The following SSBP2 variants were observed in gnomAD, a reference collection of about 807,000 sequenced individuals.
SSBP2 encodes single-stranded DNA-binding protein 2.
Under a neutral mutation model 61.8 loss-of-function variants are expected in SSBP2, and 17 were observed. That is an observed-to-expected ratio of 0.28 (90% CI 0.19 to 0.41). The LOEUF is 0.41. Among genes scored for constraint, SSBP2 ranks in the 10% least tolerant of loss-of-function variants. The pLI is 1.00. For missense variants in SSBP2, 310 were observed against 458.7 expected, an observed-to-expected ratio of 0.68 and a Z score of 2.96; for synonymous variants, 139 against 141.3, an observed-to-expected ratio of 0.98 and a Z score of 0.12.
chr5:81,486,091 G>C (rs1254956542), intron 6 of SSBP2, among the ~76,000 whole-genome samples: 1 of 152,148 alleles, frequency 6.6e-6, no homozygotes, highest in African/African-American at 2.4e-5. Context: ...CACTGGAGTG[G>C]TGGTGGGAAT....
intron 2 of SSBP2, 147 bp from the exon 3 acceptor site, chr5:81,636,765 A>T: frequency 1.5e-6 from 1 of 675,706 alleles, no homozygotes; most frequent in East Asian, 2.8e-5. Flanking sequence ...TTTTGCAAGT[A>T]CTCATTTTAC....
chr5:81,576,488 G>A (rs1267322827), intron 4 of SSBP2, among the ~76,000 whole-genome samples: 1 of 151,894 alleles, frequency 6.6e-6, no homozygotes. Context: ...AGCACAGAGA[G>A]GTTCATTAAC....
chr5:81,532,025 G>A (rs1770451527), intron 4 of SSBP2, among the ~76,000 whole-genome samples: 1 of 152,060 alleles, frequency 6.6e-6, no homozygotes, highest in South Asian at 2.1e-4. Context: ...AGAGGAAATG[G>A]AATAGAGAGC....
chr5:81,485,075 T>TG (rs1290713442), intron 6 of SSBP2, among the ~76,000 whole-genome samples: 1 of 152,150 alleles, frequency 6.6e-6, no homozygotes, highest in African/African-American at 2.4e-5. Flanking sequence ...ATGAATACTG[T>TG]GAATTTTTCT....
chr5:81,607,243 T>C (rs1744970242), intron 4 of SSBP2, among the ~76,000 whole-genome samples: 1 of 152,110 alleles, frequency 6.6e-6, no homozygotes, highest in South Asian at 2.1e-4. Context: ...GCTAAGGTGA[T>C]AAACAGGACA....
At chr5:81,501,259 A>G (rs1338442546) in intron 5 of SSBP2, among the ~76,000 whole-genome samples, 5 of 62,516 alleles carry the variant, frequency 8.0e-5, no homozygotes, top group African/African-American at 5.3e-4. Flanking sequence ...ATATATATAT[A>G]TATATATATA....
chr5:81,732,610 C>T (rs561106645), intron 1 of SSBP2, among the ~76,000 whole-genome samples: 2 of 152,150 alleles, frequency 1.3e-5, no homozygotes, highest in East Asian at 3.9e-4. Flanking sequence ...TTCACAGGCA[C>T]AATAAATTAC....
At chr5:81,473,630 A>G (rs750570414) in intron 8 of SSBP2, 70 bp downstream of exon 8, 1 of 1,311,544 alleles carries the variant, frequency 7.6e-7, no homozygotes, top group Non-Finnish European at 1.1e-6. Context: ...CTCTTTACCC[A>G]GTCTATCATT....
chr5:81,622,106 TA>T (rs35548135), intron 3 of SSBP2, among the ~76,000 whole-genome samples: 26,218 of 109,464 alleles, frequency 0.24, 2,436 homozygotes, highest in Middle Eastern at 0.27. Context: ...TAGAGTATAA[TA>T]AAAAAAAAAA....
At chr5:81,539,220 G>A (rs1771052903) in intron 4 of SSBP2, among the ~76,000 whole-genome samples, 1 of 152,154 alleles carries the variant, frequency 6.6e-6, no homozygotes, top group Admixed American at 6.5e-5. Context: ...AGACTTGAGT[G>A]GAAGAAGTCA....
chr5:81,536,728 A>C (rs1340293930), intron 4 of SSBP2, among the ~76,000 whole-genome samples: 1 of 152,118 alleles, frequency 6.6e-6, no homozygotes, highest in Non-Finnish European at 1.5e-5. Context: ...ATTTTCAGAT[A>C]TTGTGGTACT....
intron 1 of SSBP2, among the ~76,000 whole-genome samples, chr5:81,673,398 C>G (rs1386115607): frequency 6.6e-6 from 1 of 152,038 alleles, no homozygotes; most frequent in Non-Finnish European, 1.5e-5. Flanking sequence ...GCACTAAATC[C>G]ATTAAGACTA....
intron 16 of SSBP2, among the ~76,000 whole-genome samples, chr5:81,426,612 T>G (rs1024334000): frequency 1.3e-5 from 2 of 152,214 alleles, no homozygotes; most frequent in African/African-American, 4.8e-5. Flanking sequence ...GAATCTGTTG[T>G]TTGCCATGTG....
intron 1 of SSBP2, among the ~76,000 whole-genome samples, chr5:81,661,767 C>T (rs1167598437): frequency 2.0e-5 from 3 of 152,078 alleles, no homozygotes; most frequent in Middle Eastern, 3.2e-3. Flanking sequence ...GGGTTTGGTT[C>T]GTAAATATTT....
At chr5:81,538,586 A>G (rs1404873546) in intron 4 of SSBP2, among the ~76,000 whole-genome samples, 1 of 152,228 alleles carries the variant, frequency 6.6e-6, no homozygotes, top group African/African-American at 2.4e-5. Context: ...GCAGAAGTCA[A>G]TGCATGCTTT....
chr5:81,440,507 A>T (rs1296356949), intron 14 of SSBP2, 51 bp downstream of exon 14: 3 of 1,516,688 alleles, frequency 2.0e-6, no homozygotes, highest in African/African-American at 2.8e-5. Flanking sequence ...ACTAGGTAGA[A>T]TTAAGGTTTT....
intron 6 of SSBP2, among the ~76,000 whole-genome samples, chr5:81,483,671 C>G (rs1766166843): frequency 6.6e-6 from 1 of 152,006 alleles, no homozygotes; most frequent in South Asian, 2.1e-4. Context: ...CATTTTATTC[C>G]TCTAAAACGA....
At chr5:81,577,675 C>A (rs151032876) in intron 4 of SSBP2, among the ~76,000 whole-genome samples, 1 of 151,886 alleles carries the variant, frequency 6.6e-6, no homozygotes, top group Admixed American at 6.6e-5. Flanking sequence ...CAATAAAACT[C>A]ATTTCTATTT....
At chr5:81,612,904 C>A (rs1004165528) in intron 4 of SSBP2, among the ~76,000 whole-genome samples, 1 of 151,792 alleles carries the variant, frequency 6.6e-6, no homozygotes, top group Non-Finnish European at 1.5e-5. Context: ...CATTTTCTTC[C>A]CCAAGTCTTT....
Sources: gnomAD v4.1 joint callset for allele counts (sites outside exome capture counted in the v4.1 genomes callset) on GRCh38, gnomAD v4.1.1 for gene constraint, MANE v1.5 for transcripts, NCBI Gene and HGNC (gene_info 2026-07-23, HGNC 2026-07-21) for gene names.